MBD2: variants seen among roughly 807,000 people sequenced by gnomAD.
The protein encoded by MBD2 is methyl-CpG-binding domain protein 2.
A neutral mutation model predicts 39.3 loss-of-function variants in MBD2; 9 were observed. The ratio of observed to expected loss-of-function variants is 0.23; its 90% CI spans 0.14 to 0.40. The LOEUF (loss-of-function observed/expected upper bound fraction) is 0.40. Ranked by LOEUF, MBD2 falls within the 10% of genes least tolerant of loss-of-function variation. The probability of loss-of-function intolerance (pLI) is 1.00; values close to 1 mark genes in which losing one functional copy is unlikely to be tolerated. For synonymous variants in MBD2, 233 were observed against 211.1 expected, an observed-to-expected ratio of 1.10 and a Z score of -0.90; for missense variants, 458 against 532.6, an observed-to-expected ratio of 0.86 and a Z score of 1.38.
chr18:54,213,197 G>A (rs144488310), intron 1 of MBD2, among the ~76,000 whole-genome samples: 1 of 152,056 alleles, frequency 6.6e-6, no homozygotes, highest in Non-Finnish European at 1.5e-5. Flanking sequence ...CCTGGCCACT[G>A]ACCGTGGCCC....
intron 3 of MBD2, among the ~76,000 whole-genome samples, chr18:54,180,918 T>C (rs1170164267): frequency 2.5e-5 from 3 of 119,452 alleles, no homozygotes; most frequent in Admixed American, 2.4e-4. Flanking sequence ...TTTTTTTTTT[T>C]TTTTTTTTGA....
rs1456037254 is a variant in MBD2, at chr18:54,152,257, G to C, written c.*3067C>G. The C allele has an allele frequency of 6.6e-6, 1 of 152,378 alleles. No individual in the cohort carries two copies. Among genetic ancestry groups the C allele is most frequent in the East Asian group, 1.9e-4 (1 of 5,192 alleles). The allele number at this position is 152,378 out of a possible 1,614,324, so 9.4% of individuals were successfully genotyped here. ...TTCACCATGTAGACGGGCAGGCAAA[G>C]GGTGTTTCAGGCAAAGGGAACAACA... On this transcript the variant is annotated 3_prime_UTR_variant, in exon 7 of 7. Transcript: ENST00000256429.
intron 1 of MBD2, among the ~76,000 whole-genome samples, chr18:54,214,192 C>G (rs539706175): frequency 1.3e-5 from 2 of 150,114 alleles, no homozygotes; most frequent in Admixed American, 6.6e-5. Context: ...TTCTTTCTTT[C>G]TTTGTTTTGT....
At chr18:54,205,947 A>AAC (rs1230954152) in intron 1 of MBD2, among the ~76,000 whole-genome samples, 32 of 147,514 alleles carry the variant, frequency 2.2e-4, no homozygotes, top group Non-Finnish European at 3.4e-4. Flanking sequence ...CCTTGTTTAA[A>AAC]ACACACACAT....
intron 1 of MBD2, among the ~76,000 whole-genome samples, chr18:54,206,685 C>T (rs984899187): frequency 6.6e-6 from 1 of 152,148 alleles, no homozygotes; most frequent in African/African-American, 2.4e-5. Flanking sequence ...TTTCCACAAC[C>T]ACATGACTTA....
intron 1 of MBD2, among the ~76,000 whole-genome samples, chr18:54,214,427 G>C (rs971313657): frequency 3.3e-5 from 5 of 152,020 alleles, no homozygotes; most frequent in African/African-American, 1.2e-4. Context: ...TCAAACTCCT[G>C]TCTTCAAGTG....
chr18:54,171,931 T>C (rs1206213791), intron 3 of MBD2, among the ~76,000 whole-genome samples: 1 of 152,248 alleles, frequency 6.6e-6, no homozygotes, highest in African/African-American at 2.4e-5. Context: ...ACAGTCCTTC[T>C]CTTAACAAAA....
chr18:54,157,969 A>G (rs749437021), intron 6 of MBD2, among the ~76,000 whole-genome samples: 6 of 152,174 alleles, frequency 3.9e-5, no homozygotes, highest in Non-Finnish European at 7.3e-5. Context: ...CTCTTGCGAG[A>G]CTACCGCAGC....
intron 3 of MBD2, among the ~76,000 whole-genome samples, chr18:54,179,518 T>G (rs990859291): frequency 6.6e-6 from 1 of 152,212 alleles, no homozygotes; most frequent in African/African-American, 2.4e-5. Context: ...TACAACCACA[T>G]TGGGCTTACT....
At chr18:54,193,134 A>G (rs1407675872) in intron 2 of MBD2, among the ~76,000 whole-genome samples, 5 of 152,130 alleles carry the variant, frequency 3.3e-5, no homozygotes, top group African/African-American at 1.2e-4. Flanking sequence ...TATTACCTCT[A>G]CCCTGAGGAC....
At chr18:54,210,617 C>G (rs1490844038) in intron 1 of MBD2, among the ~76,000 whole-genome samples, 1 of 152,120 alleles carries the variant, frequency 6.6e-6, no homozygotes, top group African/African-American at 2.4e-5. Context: ...AGTCTATTTT[C>G]AAATCAATTT....
chr18:54,176,765 T>C (rs2086215129), intron 3 of MBD2, among the ~76,000 whole-genome samples: 1 of 152,216 alleles, frequency 6.6e-6, no homozygotes, highest in African/African-American at 2.4e-5. Flanking sequence ...TCTTATTTTG[T>C]CAGGGTGGCC....
At chr18:54,175,414 T>C (rs1216690540) in intron 3 of MBD2, among the ~76,000 whole-genome samples, 5 of 152,220 alleles carry the variant, frequency 3.3e-5, no homozygotes, top group Admixed American at 3.3e-4. Context: ...GAAATAAGAA[T>C]CCTGCTGCCC....
chr18:54,164,798 G>A, intron 4 of MBD2, 98 bp from the exon 5 acceptor site: 2 of 917,458 alleles, frequency 2.2e-6, no homozygotes, highest in Non-Finnish European at 3.3e-6. Flanking sequence ...ATTCATTTGG[G>A]ATCATATATG....
chr18:54,213,018 C>A (rs1193947962), intron 1 of MBD2, among the ~76,000 whole-genome samples: 1 of 120,530 alleles, frequency 8.3e-6, no homozygotes, highest in Non-Finnish European at 1.6e-5. Context: ...GGCAACAGAG[C>A]AAGACCCTGT....
rs537258824 is a variant in MBD2 at position 54,163,124 on chromosome 18, T to C, written c.1109+1399A>G. The stretch of plus-strand genomic sequence containing the variant: ...CTGTCTCTACTAAAAATAAAAAAAT[T>C]AGCTGGGTATAGTGGCGCTCGCCTG... On this transcript the variant is annotated intron_variant, in intron 5 of 6. Coordinates refer to ENST00000256429, the MANE Select transcript of MBD2 (RefSeq NM_003927.5). 2.6e-5 allele frequency among the ~76,000 whole-genome samples: 4 copies of C among 152,060 alleles called. No individual in the cohort carries two copies. The East Asian group carries it at 7.7e-4, about 29-fold the overall frequency.
At chr18:54,159,262 T>C (rs1568076941) in intron 6 of MBD2, among the ~76,000 whole-genome samples, 1 of 152,134 alleles carries the variant, frequency 6.6e-6, no homozygotes, top group Non-Finnish European at 1.5e-5. Context: ...GTGAATGTCC[T>C]CCCAGTATGA....
At chr18:54,186,827 T>C (rs1599090126) in intron 3 of MBD2, among the ~76,000 whole-genome samples, 1 of 152,226 alleles carries the variant, frequency 6.6e-6, no homozygotes, top group South Asian at 2.1e-4. Flanking sequence ...AAAAGGAAGA[T>C]TAAACCCTCA....
intron 2 of MBD2, among the ~76,000 whole-genome samples, chr18:54,193,754 G>C (rs1454143793): frequency 6.6e-6 from 1 of 152,134 alleles, no homozygotes; most frequent in Non-Finnish European, 1.5e-5. Flanking sequence ...TGGGCAAAGA[G>C]AGAAACATTC....
Sources: allele counts gnomAD v4.1 joint callset (sites outside exome capture counted in the v4.1 genomes callset), GRCh38; gene constraint gnomAD v4.1.1; transcripts MANE v1.5; gene names NCBI Gene and HGNC (gene_info 2026-07-23, HGNC 2026-07-21).